TENM4: variants seen among roughly 807,000 people sequenced by gnomAD.
TENM4 encodes the protein teneurin-4.
TENM4 carries 82 observed loss-of-function variants against 243.3 expected under a neutral mutation model. That is an observed-to-expected ratio of 0.34 (90% CI 0.28 to 0.40). The LOEUF is 0.40. Among genes scored for constraint, TENM4 ranks in the 10% least tolerant of loss-of-function variants. The pLI is 1.00. For synonymous variants in TENM4, 1,412 were observed against 1,456.3 expected (o/e 0.97, Z 0.69); for missense variants, 3,138 against 3,673.3 (o/e 0.85, Z 3.77).
In TENM4 at chr11:79,054,735, G is replaced by C. The variant is rs1208300032; in HGVS notation, c.493+10003C>G. On this transcript the variant is annotated intron_variant, in intron 6 of 33. Coordinates refer to ENST00000278550, the MANE Select transcript of TENM4 (RefSeq NM_001098816.3). ...TGCTGAGATTACAGGCATGAGTCAT[G>C]GTGCTTGGCCCCCAGTTACCATCTT... is the stretch of plus-strand genomic sequence containing the variant. Among the ~76,000 whole-genome samples the C allele has an allele frequency of 2.0e-5, 3 of 151,860 alleles. No homozygotes were observed. The East Asian group carries it at 5.8e-4, about 29-fold the overall frequency.
intron 1 of TENM4, among the ~76,000 whole-genome samples, chr11:79,348,323 C>T (rs1419432725): frequency 6.6e-6 from 1 of 152,138 alleles, no homozygotes; most frequent in Non-Finnish European, 1.5e-5. Context: ...ATAGCAAACA[C>T]CGGTTGCCTC....
At chr11:79,399,056 T>G (rs1227918035) in intron 1 of TENM4, among the ~76,000 whole-genome samples, 1 of 152,124 alleles carries the variant, frequency 6.6e-6, no homozygotes, top group African/African-American at 2.4e-5. Flanking sequence ...AAGAACAGGA[T>G]TTATTCAGCA....
intron 1 of TENM4, among the ~76,000 whole-genome samples, chr11:79,401,336 G>T (rs115730403): frequency 0.01 from 1,573 of 152,290 alleles, 22 homozygotes; most frequent in African/African-American, 0.035. Context: ...TTTACAGAAA[G>T]AACACAGTGC....
At chr11:78,665,103 A>G (rs1858121535) in intron 32 of TENM4, among the ~76,000 whole-genome samples, 1 of 152,030 alleles carries the variant, frequency 6.6e-6, no homozygotes, top group Admixed American at 6.6e-5. Context: ...GTCACAGGGG[A>G]GTGATGAAAT....
At chr11:78,927,229 A>AT (rs1201162897) in intron 6 of TENM4, among the ~76,000 whole-genome samples, 1 of 152,196 alleles carries the variant, frequency 6.6e-6, no homozygotes, top group African/African-American at 2.4e-5. Context: ...GCTGTGTGCC[A>AT]TTTTTTAACT....
At chr11:79,408,119 G>A (rs958765318) in intron 1 of TENM4, among the ~76,000 whole-genome samples, 2 of 152,148 alleles carry the variant, frequency 1.3e-5, no homozygotes, top group Non-Finnish European at 2.9e-5. Context: ...GGCCAGGCTG[G>A]TATCGAACTC....
intron 32 of TENM4, among the ~76,000 whole-genome samples, chr11:78,664,574 T>G (rs1858105420): frequency 6.6e-6 from 1 of 152,142 alleles, no homozygotes; most frequent in Non-Finnish European, 1.5e-5. Flanking sequence ...CACAGAAGAT[T>G]TTCTCTATTT....
intron 6 of TENM4, among the ~76,000 whole-genome samples, chr11:79,059,691 C>G (rs1860037883): frequency 6.6e-6 from 1 of 152,338 alleles, no homozygotes; most frequent in South Asian, 2.1e-4. Context: ...ACTCTTATCT[C>G]TGAACTTTTT....
intron 15 of TENM4, among the ~76,000 whole-genome samples, chr11:78,804,318 A>T (rs989706238): frequency 1.4e-4 from 21 of 152,144 alleles, no homozygotes; most frequent in African/African-American, 4.1e-4. Flanking sequence ...CACTCTACGA[A>T]GGCAGGGGCT....
At chr11:79,122,371 G>A (rs544335537) in intron 4 of TENM4, among the ~76,000 whole-genome samples, 7 of 152,172 alleles carry the variant, frequency 4.6e-5, no homozygotes, top group South Asian at 2.1e-4. Context: ...AGCCTGGACA[G>A]CCCATTTAAA....
At chr11:79,230,046 G>A (rs1864346321) in intron 2 of TENM4, among the ~76,000 whole-genome samples, 1 of 149,700 alleles carries the variant, frequency 6.7e-6, no homozygotes, top group African/African-American at 2.5e-5. Context: ...ATGTTTCCCA[G>A]GCTGGTTCTA....
chr11:79,398,413 G>C (rs1359496937), intron 1 of TENM4, among the ~76,000 whole-genome samples: 1 of 152,032 alleles, frequency 6.6e-6, no homozygotes. Flanking sequence ...CTGGGCTGTG[G>C]GCCACTGCAA....
At chr11:78,883,372 G>A (rs1399705113) in intron 9 of TENM4, among the ~76,000 whole-genome samples, 1 of 152,194 alleles carries the variant, frequency 6.6e-6, no homozygotes, top group Non-Finnish European at 1.5e-5. Context: ...AACAGCTGGA[G>A]AGTGGCAGTG....
chr11:79,066,726 A>ACGCG (rs1860265020), intron 5 of TENM4, among the ~76,000 whole-genome samples: 1 of 80,224 alleles, frequency 1.2e-5, no homozygotes, highest in African/African-American at 4.8e-5. Flanking sequence ...ACTCGAGCAC[A>ACGCG]CACGCGCACG....
intron 1 of TENM4, among the ~76,000 whole-genome samples, chr11:79,425,936 T>C (rs184338263): frequency 1.7e-3 from 252 of 152,302 alleles, no homozygotes; most frequent in Non-Finnish European, 3.1e-3. Flanking sequence ...GAATGTGCTG[T>C]AAATTATAGG....
At position 78,658,261 on chromosome 11, in the gene TENM4, A is replaced by G; in HGVS notation, c.8107T>C (p.Trp2703Arg). 1.2e-6 allele frequency: 2 copies of G among 1,613,570 alleles called. No homozygotes were observed. The highest frequency in any genetic ancestry group is 1.7e-6 in the Non-Finnish European group (2 of 1,179,644). ...LARQRAVRQA[W>R]AREQQRLREG... The stretch of plus-strand genomic sequence containing the variant: ...CGCAGTCTCTGCTGCTCGCGGGCCC[A>G]CGCTTGGCGCACGGCTCTCTGCCGG... Residue 2703 changes from tryptophan to arginine, a missense_variant, in exon 34 of 34, where the codon TGG becomes CGG. Trp to Arg is a moderately radical substitution (Grantham distance 101). Around this residue, in one of 2 missense-constraint regions of TENM4, gnomAD observed 2,467 missense variants for 3,059.1 expected, o/e 0.81. Transcript: ENST00000278550.
intron 6 of TENM4, among the ~76,000 whole-genome samples, chr11:78,934,407 T>G (rs902691279): frequency 2.2e-5 from 1 of 45,466 alleles, no homozygotes; most frequent in Admixed American, 4.4e-4. Flanking sequence ...CAGGGAAACA[T>G]GAATCATGTG....
At chr11:79,383,968 CCTT>C (rs1404322960) in intron 1 of TENM4, among the ~76,000 whole-genome samples, 23 of 152,276 alleles carry the variant, frequency 1.5e-4, no homozygotes, top group Middle Eastern at 3.4e-3. Context: ...ACCAAGGAAA[CCTT>C]CTGCACTAGA....
At chr11:78,971,343 C>T (rs1857543596) in intron 6 of TENM4, among the ~76,000 whole-genome samples, 1 of 152,120 alleles carries the variant, frequency 6.6e-6, no homozygotes, top group Non-Finnish European at 1.5e-5. Context: ...TGCTCTGTCA[C>T]CCAGGCTGGA....
Sources: gnomAD v4.1 joint callset for allele counts (sites outside exome capture counted in the v4.1 genomes callset) on GRCh38, gnomAD v4.1.1 for gene constraint, gnomAD v4.1.1 regional missense constraint, MANE v1.5 for transcripts, NCBI Gene and HGNC (gene_info 2026-07-23, HGNC 2026-07-21) for gene names.